The following SLIT3 variants were observed in gnomAD, a reference collection of about 807,000 sequenced individuals.
SLIT3 encodes the protein slit homolog 3 protein.
Under a neutral mutation model 184.0 loss-of-function variants are expected in SLIT3, and 68 were observed. The observed-to-expected ratio is 0.37, with a 90% CI of 0.30 to 0.45. The LOEUF is 0.45. Ranked by LOEUF, SLIT3 falls within the 20% of genes least tolerant of loss-of-function variation. The pLI, the probability that SLIT3 is intolerant of heterozygous loss-of-function variation, is 1.00. For synonymous variants in SLIT3, 831 were observed against 828.6 expected (o/e 1.00, Z -0.05); for missense variants, 1,707 against 2,026.0 (o/e 0.84, Z 3.02).
At chr5:168,821,128 T>C (rs1049246301) in intron 7 of SLIT3, among the ~76,000 whole-genome samples, 1 of 152,182 alleles carries the variant, frequency 6.6e-6, no homozygotes, top group African/African-American at 2.4e-5. Context: ...ATCAGATGAA[T>C]GTTCGGGATG....
chr5:168,712,187 G>A, intron 24 of SLIT3, 96 bp downstream of exon 24: 2 of 1,042,880 alleles, frequency 1.9e-6, no homozygotes, highest in South Asian at 2.6e-5. Context: ...ATAAGGAAAG[G>A]ACATCTGCCA....
At chr5:169,045,706 A>G (rs1184207364) in intron 4 of SLIT3, among the ~76,000 whole-genome samples, 3 of 152,216 alleles carry the variant, frequency 2.0e-5, no homozygotes, top group Non-Finnish European at 2.9e-5. Flanking sequence ...TGTAAACTGC[A>G]GACCCAGGAG....
intron 20 of SLIT3, among the ~76,000 whole-genome samples, chr5:168,729,591 T>C (rs1460066203): frequency 6.6e-6 from 1 of 151,560 alleles, no homozygotes; most frequent in Non-Finnish European, 1.5e-5. Context: ...GACAAGCAAA[T>C]ACTAAGGGAA....
At chr5:168,868,617 G>A (rs371847187) in intron 5 of SLIT3, among the ~76,000 whole-genome samples, 29 of 151,864 alleles carry the variant, frequency 1.9e-4, no homozygotes, top group African/African-American at 4.6e-4. Context: ...CCGTGGTGGC[G>A]GGCACCTGTA....
intron 5 of SLIT3, among the ~76,000 whole-genome samples, chr5:168,852,768 T>C (rs1439322416): frequency 6.6e-6 from 1 of 152,240 alleles, no homozygotes; most frequent in Non-Finnish European, 1.5e-5. Context: ...CTAGGGCTTG[T>C]ATAATTTGTA....
At chr5:168,976,038 C>T (rs1416906363) in intron 4 of SLIT3, among the ~76,000 whole-genome samples, 3 of 152,314 alleles carry the variant, frequency 2.0e-5, no homozygotes, top group East Asian at 1.9e-4. Flanking sequence ...GGCCCAGTAG[C>T]TCCATGACCT....
Position 169,003,231 on chromosome 5 carries a change from G to C in SLIT3, c.414-119895C>G, listed in dbSNP as rs533486726. On this transcript the variant is annotated intron_variant, in intron 4 of 35. Coordinates refer to ENST00000519560, the MANE Select transcript of SLIT3 (RefSeq NM_003062.4). Reference sequence around the variant, plus strand: ...AAACAAACTTTGCATATCATTTCAAGTTGTCACTATTCCTTGGATTAAAAC... The same window carrying C: ...AAACAAACTTTGCATATCATTTCAACTTGTCACTATTCCTTGGATTAAAAC... Among the ~76,000 whole-genome samples the C allele has an allele frequency of 1.3e-4, 20 of 152,302 alleles. No individual in the cohort carries two copies. The South Asian group carries it at 3.5e-3, about 27-fold the overall frequency.
At chr5:169,104,308 A>T (rs1247595805) in intron 4 of SLIT3, among the ~76,000 whole-genome samples, 1 of 152,128 alleles carries the variant, frequency 6.6e-6, no homozygotes, top group Non-Finnish European at 1.5e-5. Context: ...ATGCCTGAAG[A>T]GCAAAGGGGC....
chr5:168,771,836 C>G (rs904415121), intron 14 of SLIT3, among the ~76,000 whole-genome samples: 2 of 152,192 alleles, frequency 1.3e-5, no homozygotes, highest in East Asian at 3.9e-4. Context: ...CTGGCATTCT[C>G]CCCGGGAAGA....
chr5:168,991,632 G>A (rs1194011445), intron 4 of SLIT3, among the ~76,000 whole-genome samples: 2 of 152,250 alleles, frequency 1.3e-5, no homozygotes, highest in South Asian at 2.1e-4. Context: ...TATCAGGGAG[G>A]ACGAGGGAAA....
At chr5:169,097,753 G>A (rs868729596) in intron 4 of SLIT3, among the ~76,000 whole-genome samples, 3 of 152,182 alleles carry the variant, frequency 2.0e-5, no homozygotes, top group Admixed American at 1.3e-4. Context: ...CTTGGAGCTT[G>A]CTCTGTAGCC....
chr5:169,006,926 C>T (rs964741991), intron 4 of SLIT3, among the ~76,000 whole-genome samples: 12 of 152,028 alleles, frequency 7.9e-5, no homozygotes, highest in Non-Finnish European at 1.3e-4. Flanking sequence ...CATCACGCAG[C>T]CCTGCCCACC....
chr5:168,862,704 T>G (rs1424884221), intron 5 of SLIT3, among the ~76,000 whole-genome samples: 1 of 152,016 alleles, frequency 6.6e-6, no homozygotes, highest in Non-Finnish European at 1.5e-5. Flanking sequence ...GATGGAGTTT[T>G]GCTCTTGTCG....
intron 20 of SLIT3, among the ~76,000 whole-genome samples, chr5:168,727,516 T>C (rs924460291): frequency 1.3e-5 from 2 of 152,074 alleles, no homozygotes; most frequent in African/African-American, 4.8e-5. Flanking sequence ...TGAAGTCTCA[T>C]GGGCCTGGAG....
intron 19 of SLIT3, 129 bp downstream of exon 19, chr5:168,749,343 C>T (rs1454635988): frequency 9.4e-7 from 1 of 1,062,068 alleles, no homozygotes; most frequent in African/African-American, 1.6e-5. Context: ...GCAGAGCTCT[C>T]CAGAGCTCCA....
At chr5:168,698,535 C>G (rs567518250) in intron 27 of SLIT3, among the ~76,000 whole-genome samples, 13 of 152,298 alleles carry the variant, frequency 8.5e-5, no homozygotes, top group Non-Finnish European at 1.8e-4. Flanking sequence ...TCAGAGGGAG[C>G]ATGGCCCTGC....
At chr5:168,961,068 C>A (rs921552017) in intron 4 of SLIT3, among the ~76,000 whole-genome samples, 3 of 152,182 alleles carry the variant, frequency 2.0e-5, no homozygotes, top group Admixed American at 6.5e-5. Flanking sequence ...TCTCTAACAT[C>A]CCCTCCAGCT....
Position 169,137,571 on chromosome 5 carries a change from C to A in SLIT3, c.413+55908G>T, listed in dbSNP as rs1420758955. Among the ~76,000 whole-genome samples, 7 of 152,048 alleles carry A rather than the reference C, an allele frequency of 4.6e-5. No individual in the cohort carries two copies. The East Asian group carries it at 7.8e-4, about 17-fold the overall frequency. On this transcript the variant is annotated intron_variant, in intron 4 of 35. Transcript: ENST00000519560. The stretch of plus-strand genomic sequence containing the variant: ...ACAGGGGTTTTTCCTGGCTTACGTC[C>A]CTTCATCCACATCCCCCAAATGGCC...
chr5:169,238,503 A>G (rs183335541), intron 3 of SLIT3, among the ~76,000 whole-genome samples: 40 of 149,376 alleles, frequency 2.7e-4, no homozygotes, highest in South Asian at 1.7e-3. Flanking sequence ...TTTAAGTGAA[A>G]TAAATTTCCC....
Sources: gnomAD v4.1 joint callset for allele counts (sites outside exome capture counted in the v4.1 genomes callset) on GRCh38, gnomAD v4.1.1 for gene constraint, MANE v1.5 for transcripts, NCBI Gene and HGNC (gene_info 2026-07-23, HGNC 2026-07-21) for gene names.